GLIS2: variants seen among roughly 807,000 people sequenced by gnomAD.
GLIS2 encodes the protein GLIS family zinc finger 2.
GLIS2 carries 14 observed loss-of-function variants against 35.6 expected under a neutral mutation model. The observed-to-expected ratio is 0.39, with a 90% CI of 0.26 to 0.61. The LOEUF is 0.61. Among genes scored for constraint, GLIS2 ranks in the 20% least tolerant of loss-of-function variants. The probability of loss-of-function intolerance (pLI) is 0.48; values close to 1 mark genes in which losing one functional copy is unlikely to be tolerated. For synonymous variants in GLIS2, 368 were observed against 325.1 expected, an observed-to-expected ratio of 1.13 and a Z score of -1.42; for missense variants, 675 against 713.4, an observed-to-expected ratio of 0.95 and a Z score of 0.61.
chr16:4,336,426 C>T (rs766193036), intron 6 of GLIS2: 21 of 567,546 alleles, frequency 3.7e-5, no homozygotes, highest in East Asian at 9.0e-5. Context: ...AAATTACAGG[C>T]GTGAGCCACC....
chr16:4,331,523 A>G (rs1311784269), intron 1 of GLIS2: 2 of 152,742 alleles, frequency 1.3e-5, no homozygotes, highest in African/African-American at 4.8e-5. Context: ...CCACACCGCT[A>G]TATTTCTGCG....
rs2053593363 is a variant in GLIS2, at chr16:4,338,946, C to CCA, written c.*1422_*1423insCA. On this transcript the variant is annotated 3_prime_UTR_variant, in exon 7 of 7. Transcript: ENST00000433375. ...CCCTGTCACCAGGCCTCTGAGTGGC[C>CCA]AGGCCCTTCCACCTCCCCATCTGTA... 6.6e-6 allele frequency: 1 copy of CCA among 152,354 alleles called. No individual in the cohort carries two copies. The highest frequency in any genetic ancestry group is 1.5e-5 in the Non-Finnish European group (1 of 68,106). 9.4% of individuals were successfully genotyped at this position (152,354 alleles called of 1,614,324 possible).
intron 6 of GLIS2, 26 bp from the exon 7 acceptor site, chr16:4,336,699 C>T (rs201898304): frequency 1.9e-5 from 30 of 1,571,146 alleles, no homozygotes; most frequent in South Asian, 4.6e-5. Context: ...CCCCTCATGG[C>T]GGCACTGCAC....
At position 4,336,294 on chromosome 16, in the gene GLIS2, C is replaced by G. The variant is rs1440053833; in HGVS notation, c.776-431C>G. ...CTGAGGTAGCTGGGATTACAGGCAC[C>G]TGCCACCACACCCAGCTAGTTTTCG... On this transcript the variant is annotated intron_variant, in intron 6 of 6. Transcript: ENST00000433375. 5 of 324,336 alleles carry G rather than the reference C, an allele frequency of 1.5e-5. No homozygotes were observed. The East Asian group carries it at 2.2e-4, about 15-fold the overall frequency. 20.1% of individuals were successfully genotyped at this position (324,336 alleles called of 1,614,324 possible). A position where few individuals can be genotyped will look rare whatever the true frequency, so the allele number is the denominator to read the frequency against.
In GLIS2 at chr16:4,332,498, A is replaced by G. The variant is rs1340560983; in HGVS notation, c.172+46A>G. The G allele has an allele frequency of 6.3e-7, 1 of 1,597,146 alleles. No homozygotes were observed. The highest frequency in any genetic ancestry group is 8.5e-7 in the Non-Finnish European group (1 of 1,175,324). ...AGGGGGACTTAGCCCTGATCCAGTC[A>G]TGGTGACAGGGAGAATGGCCAAGTG... On this transcript the variant is annotated intron_variant, in intron 2 of 6. Transcript: ENST00000433375. The surrounding 1 kb of genome is among the most constrained non-coding windows in gnomAD (Gnocchi z 5.4).
chr16:4,332,351 G>A lies in GLIS2; in HGVS notation c.71G>A (p.Arg24Gln), dbSNP rs774305330. ...ITKLRAAREK[R>Q]ERTLGVVRPR... ...AAGCTCCGGGCGGCAAGAGAGAAGC[G>A]GGAGAGGACGCTGGGTGTGGTCCGG... Residue 24 changes from arginine to glutamine, a missense_variant, in exon 2 of 7, where the codon CGG (arginine) becomes CAG (glutamine). This residue lies in a region of GLIS2 where 225 missense variants were observed against 238.7 expected (regional missense o/e 0.94). Coordinates refer to ENST00000433375, the MANE Select transcript of GLIS2 (RefSeq NM_032575.3). This position sits in a 1 kb window ranked among gnomAD's most constrained non-coding sequence, Gnocchi z 5.4. The A allele has an allele frequency of 2.0e-5, 32 of 1,613,138 alleles. No homozygotes were observed. The highest frequency in any genetic ancestry group is 1.8e-4 in the South Asian group (16 of 91,076).
In GLIS2 at chr16:4,336,843, C is replaced by T. The variant is rs112926217; in HGVS notation, c.894C>T (p.Pro298=). 2,237 of 1,612,590 alleles carry T rather than the reference C, an allele frequency of 1.4e-3. 36 individuals are homozygous for T. In the African/African-American group the frequency reaches 0.026, roughly 19 times the overall value. ...YVDKPYYCKM[P]GCHKRYTDPS... The stretch of plus-strand genomic sequence containing the variant: ...ACAAGCCCTACTACTGCAAGATGCC[C>T]GGCTGCCACAAGCGCTACACGGACC... Residue 298 remains proline (P), a synonymous_variant, in exon 7 of 7, where the codon CCC becomes CCT. Transcript: ENST00000433375.
chr16:4,336,667 T>TGAGACCCAGGAAGGGGA lies in GLIS2; in HGVS notation c.776-50_776-34dup, dbSNP rs1347253160. 3.3e-6 allele frequency: 5 copies of TGAGACCCAGGAAGGGGA among 1,514,162 alleles called. No homozygotes were observed. The East Asian group carries it at 1.2e-4, about 37-fold the overall frequency. The allele number at this position is 1,514,162 out of a possible 1,614,324, so 93.8% of individuals were successfully genotyped here. On this transcript the variant is annotated intron_variant, in intron 6 of 6. Transcript: ENST00000433375. ...CCGGGGAAATGTTGAGTGCATGGGG[T>TGAGACCCAGGAAGGGGA]GAGACCCAGGAAGGGGAGAGACCCC...
intron 6 of GLIS2, chr16:4,336,101 C>T: frequency 1.0e-5 from 2 of 191,340 alleles, no homozygotes; most frequent in South Asian, 2.2e-4. Context: ...CTCCCTGTGG[C>T]CAGGCCCACG....
rs2053542325 is a variant in GLIS2 at position 4,335,617 on chromosome 16, T to C, written c.775+224T>C. 6.6e-6 allele frequency among the ~76,000 whole-genome samples: 1 copy of C among 152,168 alleles called. No homozygotes were observed. Among genetic ancestry groups the C allele is most frequent in the Non-Finnish European group, 1.5e-5 (1 of 68,010 alleles). On this transcript the variant is annotated intron_variant, in intron 6 of 6. Transcript: ENST00000433375. This position sits in a 1 kb window ranked among gnomAD's most constrained non-coding sequence, Gnocchi z 4.6. ...ACCTGCTCTTGGAGCACCAATGCCA[T>C]TTCCTGGTTCCCGTGGGTATCTTCT...
Position 4,320,756 on chromosome 16 carries a change from C to G in GLIS2, c.-67+4502C>G, listed in dbSNP as rs1038231792. The stretch of plus-strand genomic sequence containing the variant: ...ACCCCAACTTCCAGGCAGACCGACT[C>G]TGAGCTGGGATGTCCCCTCCCCGCA... On this transcript the variant is annotated intron_variant, in intron 1 of 6. Coordinates refer to ENST00000433375, the MANE Select transcript of GLIS2 (RefSeq NM_032575.3). This position sits in a 1 kb window ranked among gnomAD's most constrained non-coding sequence, Gnocchi z 5.6. 1.3e-5 allele frequency among the ~76,000 whole-genome samples: 2 copies of G among 152,162 alleles called. No individual in the cohort carries two copies. The highest frequency in any genetic ancestry group is 2.9e-5 in the Non-Finnish European group (2 of 68,030).
At chr16:4,331,402 T>A (rs2053494720) in intron 1 of GLIS2, 1 of 152,236 alleles carries the variant, frequency 6.6e-6, no homozygotes, top group African/African-American at 2.4e-5. Context: ...TCAGTTAGTC[T>A]ATAATCTATA....
chr16:4,337,816 C>T lies in GLIS2; in HGVS notation c.*292C>T. 1 of 556,674 alleles carries T rather than the reference C, an allele frequency of 1.8e-6. No homozygotes were observed. The highest frequency in any genetic ancestry group is 3.2e-6 in the Non-Finnish European group (1 of 309,336). 34.5% of individuals were successfully genotyped at this position (556,674 alleles called of 1,614,324 possible). A position where few individuals can be genotyped will look rare whatever the true frequency, so the allele number is the denominator to read the frequency against. ...TGAGAGGCTTTCCCCTGCCCGACCT[C>T]CTCCCGTTTCCCTCTCCCACCCTGG... On this transcript the variant is annotated 3_prime_UTR_variant, in exon 7 of 7. Transcript: ENST00000433375.
At chr16:4,319,067 T>G (rs552293144) in intron 1 of GLIS2, among the ~76,000 whole-genome samples, 37 of 152,166 alleles carry the variant, frequency 2.4e-4, no homozygotes, top group Non-Finnish European at 4.6e-4. Flanking sequence ...GGTTCCTGCC[T>G]CTAAGGGGAG....
chr16:4,338,049 C>T lies in GLIS2; in HGVS notation c.*525C>T, dbSNP rs886051991. 3.2e-5 allele frequency: 6 copies of T among 189,848 alleles called. No individual in the cohort carries two copies. The highest frequency in any genetic ancestry group is 1.6e-4 in the Admixed American group (3 of 18,512). The allele number at this position is 189,848 out of a possible 1,614,324, so 11.8% of individuals were successfully genotyped here. The stretch of plus-strand genomic sequence containing the variant: ...ACCCCTTTCCCTCTGACCCTGCCTC[C>T]AGAGGGAAAGCAAGACAGATGCAGG... On this transcript the variant is annotated 3_prime_UTR_variant, in exon 7 of 7. Coordinates refer to ENST00000433375, the MANE Select transcript of GLIS2 (RefSeq NM_032575.3).
intron 1 of GLIS2, among the ~76,000 whole-genome samples, chr16:4,327,190 GGCC>G (rs1197815560): frequency 9.2e-5 from 14 of 152,224 alleles, no homozygotes; most frequent in Non-Finnish European, 4.4e-5. Context: ...CACCGCGCCT[GGCC>G]TAGAAGGAGC....
chr16:4,335,724 G>C lies in GLIS2; in HGVS notation c.775+331G>C. On this transcript the variant is annotated intron_variant, in intron 6 of 6. Transcript: ENST00000433375. This position sits in a 1 kb window ranked among gnomAD's most constrained non-coding sequence, Gnocchi z 4.6. ...CCCAGGCCCATACCAGGACAGCTCT[G>C]GTTGTCAGAGCCACAGACATAATTT... 4 of 348,004 alleles carry C rather than the reference G, an allele frequency of 1.1e-5. No homozygotes were observed. The South Asian group carries it at 1.6e-4, about 14-fold the overall frequency. The allele number at this position is 348,004 out of a possible 1,614,324, so 21.6% of individuals were successfully genotyped here.
chr16:4,331,195 T>G (rs1423670849), intron 1 of GLIS2, among the ~76,000 whole-genome samples: 1 of 152,024 alleles, frequency 6.6e-6, no homozygotes, highest in Non-Finnish European at 1.5e-5. Context: ...TTAGCCAGGA[T>G]GGTCTCTATC....
chr16:4,318,847 T>C (rs2053344272), intron 1 of GLIS2, among the ~76,000 whole-genome samples: 1 of 152,214 alleles, frequency 6.6e-6, no homozygotes, highest in Admixed American at 6.5e-5. Context: ...CCCGCTCCAC[T>C]CGCCTGGAAT....
Sources: gnomAD v4.1 joint callset for allele counts (sites outside exome capture counted in the v4.1 genomes callset) on GRCh38, gnomAD v4.1.1 for gene constraint, gnomAD v4.1.1 regional missense constraint, Gnocchi (gnomAD v3.1) non-coding constraint, MANE v1.5 for transcripts, NCBI Gene and HGNC (gene_info 2026-07-23, HGNC 2026-07-21) for gene names.